GABRG3: variants seen among roughly 807,000 people sequenced by gnomAD.
GABRG3 encodes gamma-aminobutyric acid type A receptor subunit gamma3, also known as gamma-aminobutyric acid receptor subunit gamma-3.
A neutral mutation model predicts 48.8 loss-of-function variants in GABRG3; 25 were observed. That is an observed-to-expected ratio of 0.51 (90% CI 0.37 to 0.72). The LOEUF (loss-of-function observed/expected upper bound fraction) is 0.72, where lower values mean the gene tolerates loss of function less well. Ranked by LOEUF, GABRG3 falls within the 30% of genes least tolerant of loss-of-function variation. The probability of loss-of-function intolerance (pLI) is 0.00; values close to 1 mark genes in which losing one functional copy is unlikely to be tolerated. For synonymous variants in GABRG3, 227 were observed against 217.6 expected (o/e 1.04, Z -0.38); for missense variants, 394 against 577.9 (o/e 0.68, Z 3.26).
chr15:27,051,163 G>GA (rs1188064530), intron 3 of GABRG3, among the ~76,000 whole-genome samples: 2 of 152,058 alleles, frequency 1.3e-5, no homozygotes, highest in African/African-American at 2.4e-5. Flanking sequence ...ATTCCAAAGG[G>GA]AAAAAATCTA....
At chr15:27,137,325 G>A (rs1344409459) in intron 3 of GABRG3, among the ~76,000 whole-genome samples, 1 of 152,298 alleles carries the variant, frequency 6.6e-6, no homozygotes, top group Non-Finnish European at 1.5e-5. Flanking sequence ...GGCCTAGCAC[G>A]TGGTGGGTGC....
intron 5 of GABRG3, among the ~76,000 whole-genome samples, chr15:27,374,788 A>G (rs1895537488): frequency 6.6e-6 from 1 of 152,160 alleles, no homozygotes; most frequent in Non-Finnish European, 1.5e-5. Context: ...AACTCAGTTC[A>G]TTATTGGCTG....
chr15:27,119,071 T>G (rs1897689313), intron 3 of GABRG3, among the ~76,000 whole-genome samples: 1 of 152,192 alleles, frequency 6.6e-6, no homozygotes, highest in Admixed American at 6.5e-5. Flanking sequence ...CCCAGCGGTA[T>G]TCTCCCTGTA....
At chr15:27,235,222 C>T (rs923089607) in intron 3 of GABRG3, among the ~76,000 whole-genome samples, 6 of 151,668 alleles carry the variant, frequency 4.0e-5, no homozygotes, top group African/African-American at 1.5e-4. Flanking sequence ...AACATAATGT[C>T]CGCCAAACCA....
chr15:27,527,768 C>T (rs932582088), intron 8 of GABRG3, 139 bp downstream of exon 8: 3 of 1,026,340 alleles, frequency 2.9e-6, no homozygotes, highest in Admixed American at 2.4e-5. Context: ...TTTTCAAAAC[C>T]AGACAGGGAT....
chr15:26,985,752 A>T (rs4887533), intron 2 of GABRG3, among the ~76,000 whole-genome samples: 84,920 of 151,978 alleles, frequency 0.56, 24,380 homozygotes, highest in African/African-American at 0.67. Context: ...TTTAAGTGAA[A>T]TTTGGAGTGT....
chr15:27,510,574 C>T (rs564502869), intron 6 of GABRG3, among the ~76,000 whole-genome samples: 1 of 152,210 alleles, frequency 6.6e-6, no homozygotes, highest in African/African-American at 2.4e-5. Flanking sequence ...CAGGATTCTC[C>T]TTTATCCTCC....
At chr15:27,280,127 T>C (rs1891387446) in intron 3 of GABRG3, among the ~76,000 whole-genome samples, 1 of 152,146 alleles carries the variant, frequency 6.6e-6, no homozygotes, top group Non-Finnish European at 1.5e-5. Flanking sequence ...CCATTACTTC[T>C]TTCTTTCTAA....
At position 27,263,996 on chromosome 15, in the gene GABRG3, T is replaced by C. The variant is rs542210677; in HGVS notation, c.271-62813T>C. On this transcript the variant is annotated intron_variant, in intron 3 of 9. Coordinates refer to ENST00000615808, the MANE Select transcript of GABRG3 (RefSeq NM_033223.5). ...AGAAGCACAGGATGCTTTGAGAACA[T>C]ATACCGGGGAGACGTGCCAGATATA... is the stretch of plus-strand genomic sequence containing the variant. Among the ~76,000 whole-genome samples, 4 of 151,392 alleles carry C rather than the reference T, an allele frequency of 2.6e-5. No homozygotes were observed. The South Asian group carries it at 8.3e-4, about 32-fold the overall frequency.
intron 5 of GABRG3, among the ~76,000 whole-genome samples, chr15:27,346,976 T>C (rs1444178869): frequency 2.0e-5 from 3 of 150,438 alleles, no homozygotes; most frequent in Non-Finnish European, 4.4e-5. Context: ...TTTTTGTTTG[T>C]TTGTTGTTTG....
At chr15:27,488,596 A>G (rs955507141) in intron 6 of GABRG3, among the ~76,000 whole-genome samples, 2 of 152,204 alleles carry the variant, frequency 1.3e-5, no homozygotes, top group Non-Finnish European at 2.9e-5. Context: ...ACATTTCCCA[A>G]TGAATCCACC....
chr15:27,515,990 T>C (rs1225741007), intron 6 of GABRG3, among the ~76,000 whole-genome samples: 1 of 152,184 alleles, frequency 6.6e-6, no homozygotes, highest in Non-Finnish European at 1.5e-5. Context: ...TAAGATGCTA[T>C]GTTGCTGTCA....
chr15:27,389,538 A>G (rs546504000), intron 5 of GABRG3, among the ~76,000 whole-genome samples: 1 of 152,308 alleles, frequency 6.6e-6, no homozygotes, highest in East Asian at 1.9e-4. Context: ...TGTAGTCCTC[A>G]GAAAAATGGT....
intron 3 of GABRG3, among the ~76,000 whole-genome samples, chr15:27,232,636 T>C (rs2140448382): frequency 1.3e-5 from 2 of 152,280 alleles, no homozygotes; most frequent in Middle Eastern, 3.4e-3. Context: ...ACAATTCTGC[T>C]TTTAATCATT....
At chr15:27,479,155 T>A (rs558249083) in intron 5 of GABRG3, among the ~76,000 whole-genome samples, 15 of 151,964 alleles carry the variant, frequency 9.9e-5, no homozygotes, top group African/African-American at 2.9e-4. Flanking sequence ...TTTGGACACA[T>A]TAAATGTGTG....
At chr15:27,074,028 G>A (rs953688722) in intron 3 of GABRG3, among the ~76,000 whole-genome samples, 22 of 152,212 alleles carry the variant, frequency 1.4e-4, no homozygotes, top group Non-Finnish European at 2.4e-4. Context: ...GCAGGGAGGA[G>A]CAAGTCCCAT....
Position 27,474,657 on chromosome 15 carries a change from C to T in GABRG3, c.575-5993C>T, listed in dbSNP as rs75727486. On this transcript the variant is annotated intron_variant, in intron 5 of 9. Transcript: ENST00000615808. ...GAGTAGGAAGTGTTTTATAAAAAGCCCTGCAAAGAACAAAAGTGTTTCTAT... is the reference window on the plus strand; with the variant it reads ...GAGTAGGAAGTGTTTTATAAAAAGCTCTGCAAAGAACAAAAGTGTTTCTAT... 3.9e-3 allele frequency among the ~76,000 whole-genome samples: 587 copies of T among 152,158 alleles called. 3 individuals carry two copies. The highest frequency in any genetic ancestry group is 0.013 in the African/African-American group (547 of 41,500).
chr15:27,114,284 G>A lies in GABRG3; in HGVS notation c.270+87463G>A, dbSNP rs568627514. Among the ~76,000 whole-genome samples, 10 of 152,264 alleles carry A rather than the reference G, an allele frequency of 6.6e-5. No homozygotes were observed. In the East Asian group the frequency reaches 1.9e-3, roughly 29 times the overall value. ...CCTGGGGGTACTGATTGCCATTACA[G>A]TAGACATTGTTTCTAGGATTTTTCA... On this transcript the variant is annotated intron_variant, in intron 3 of 9. Transcript: ENST00000615808.
At chr15:27,302,278 G>T (rs1322529271) in intron 3 of GABRG3, among the ~76,000 whole-genome samples, 1 of 151,942 alleles carries the variant, frequency 6.6e-6, no homozygotes, top group African/African-American at 2.4e-5. Flanking sequence ...GAATCTATAA[G>T]ATATTAGCTA....
Sources: gnomAD v4.1 joint callset for allele counts (sites outside exome capture counted in the v4.1 genomes callset) on GRCh38, gnomAD v4.1.1 for gene constraint, MANE v1.5 for transcripts, NCBI Gene and HGNC (gene_info 2026-07-23, HGNC 2026-07-21) for gene names.